Variants in ERC2 observed in about 807,000 individuals in gnomAD.
The protein encoded by ERC2 is ELKS/RAB6-interacting/CAST family member 2, also known as ERC protein 2.
ERC2 carries 42 observed loss-of-function variants against 114.8 expected under a neutral mutation model. That is an observed-to-expected ratio of 0.37 (90% CI 0.29 to 0.47). ERC2 has a LOEUF of 0.47. Among genes scored for constraint, ERC2 ranks in the 20% least tolerant of loss-of-function variants. The pLI, the probability that ERC2 is intolerant of heterozygous loss-of-function variation, is 0.99. For missense variants in ERC2, 939 were observed against 1,150.7 expected (o/e 0.82, Z 2.66); for synonymous variants, 454 against 425.5 (o/e 1.07, Z -0.82).
chr3:55,606,304 A>G (rs2058639048), intron 17 of ERC2, among the ~76,000 whole-genome samples: 1 of 152,218 alleles, frequency 6.6e-6, no homozygotes, highest in Admixed American at 6.5e-5. Context: ...AATCTCATCT[A>G]TTCATTCAGT....
intron 3 of ERC2, among the ~76,000 whole-genome samples, chr3:56,279,882 G>A (rs1374206585): frequency 6.6e-6 from 1 of 152,210 alleles, no homozygotes; most frequent in Non-Finnish European, 1.5e-5. Context: ...TGGATACAGA[G>A]GGTATGGTAA....
chr3:56,130,079 T>C (rs929478128), intron 6 of ERC2, among the ~76,000 whole-genome samples: 1 of 152,194 alleles, frequency 6.6e-6, no homozygotes, highest in African/African-American at 2.4e-5. Flanking sequence ...CAATATGAAA[T>C]TGAAAGCAGA....
chr3:56,223,120 C>A (rs963056974), intron 3 of ERC2, among the ~76,000 whole-genome samples: 1 of 152,214 alleles, frequency 6.6e-6, no homozygotes, highest in African/African-American at 2.4e-5. Context: ...GGCAGCTGAC[C>A]ATGTCTGTAG....
In ERC2 at chr3:55,952,793, A is replaced by G. The variant is rs559647539; in HGVS notation, c.2268-2233T>C. 9.8e-5 allele frequency among the ~76,000 whole-genome samples: 15 copies of G among 152,326 alleles called. No homozygotes were observed. In the South Asian group the frequency reaches 2.7e-3, roughly 27 times the overall value. On this transcript the variant is annotated intron_variant, in intron 12 of 17. Transcript: ENST00000288221. ...AGAGCTCCCACAAAGTTCTTGGAGC[A>G]GTCTGAACACAGTGACCTTACTTTC...
At chr3:55,605,140 C>T (rs1251194121) in intron 17 of ERC2, among the ~76,000 whole-genome samples, 17 of 151,606 alleles carry the variant, frequency 1.1e-4, no homozygotes, top group Non-Finnish European at 1.3e-4. Flanking sequence ...GTTTTTGAGA[C>T]GGTCTCACTC....
At chr3:56,223,518 CAA>C (rs60141863) in intron 3 of ERC2, among the ~76,000 whole-genome samples, 10,828 of 122,826 alleles carry the variant, frequency 0.088, 484 homozygotes, top group African/African-American at 0.14. Context: ...AGAAAAATGG[CAA>C]AAAAAAAAAA....
At chr3:56,391,269 C>T (rs911471649) in intron 2 of ERC2, among the ~76,000 whole-genome samples, 1 of 152,198 alleles carries the variant, frequency 6.6e-6, no homozygotes, top group Non-Finnish European at 1.5e-5. Flanking sequence ...GGAATGAGAT[C>T]ACTGTGTCAC....
chr3:55,716,979 A>T (rs901812768), intron 15 of ERC2, among the ~76,000 whole-genome samples: 3 of 152,124 alleles, frequency 2.0e-5, no homozygotes, highest in African/African-American at 7.2e-5. Flanking sequence ...TGATCTGTCA[A>T]CCAGATCTAT....
chr3:56,212,748 A>G (rs4974183), intron 3 of ERC2, among the ~76,000 whole-genome samples: 13,250 of 151,504 alleles, frequency 0.087, 790 homozygotes, highest in Admixed American at 0.15. Flanking sequence ...TGATATATAT[A>G]TGTGTGTGTG....
intron 2 of ERC2, among the ~76,000 whole-genome samples, chr3:56,401,757 T>C (rs2060527793): frequency 6.6e-6 from 1 of 152,168 alleles, no homozygotes; most frequent in African/African-American, 2.4e-5. Context: ...GGCAACCTAG[T>C]GGTGTTAGAC....
At chr3:56,173,721 C>T (rs1172655403) in intron 3 of ERC2, 3 of 535,680 alleles carry the variant, frequency 5.6e-6, no homozygotes, top group Admixed American at 3.7e-5. Context: ...CTGGCACATG[C>T]GCTATTTCTG....
At chr3:56,192,724 T>C (rs1304308682) in intron 3 of ERC2, among the ~76,000 whole-genome samples, 1 of 152,074 alleles carries the variant, frequency 6.6e-6, no homozygotes, top group Non-Finnish European at 1.5e-5. Flanking sequence ...ACCAGGTGAA[T>C]TGTCTTCAAT....
At chr3:56,266,650 A>G (rs1451815366) in intron 3 of ERC2, among the ~76,000 whole-genome samples, 2 of 152,140 alleles carry the variant, frequency 1.3e-5, no homozygotes, top group Non-Finnish European at 2.9e-5. Context: ...AGTCCCAGCT[A>G]CTCGGGAGGC....
At chr3:56,240,939 T>C (rs979665098) in intron 3 of ERC2, among the ~76,000 whole-genome samples, 3 of 152,224 alleles carry the variant, frequency 2.0e-5, no homozygotes, top group Admixed American at 6.5e-5. Context: ...GTGAACTCTA[T>C]ATCCAATAGG....
intron 12 of ERC2, among the ~76,000 whole-genome samples, chr3:55,969,268 G>C (rs2068976138): frequency 1.3e-5 from 2 of 152,030 alleles, no homozygotes; most frequent in South Asian, 4.2e-4. Flanking sequence ...ATTTGAGAAA[G>C]GTCCCAAGCT....
At chr3:56,062,931 T>C (rs545119866) in intron 7 of ERC2, among the ~76,000 whole-genome samples, 36 of 152,276 alleles carry the variant, frequency 2.4e-4, no homozygotes, top group Admixed American at 3.3e-4. Context: ...CTGCCCCAAC[T>C]CTGGCTTCGG....
chr3:56,289,418 T>C (rs7619653), intron 3 of ERC2, among the ~76,000 whole-genome samples: 51,949 of 152,034 alleles, frequency 0.34, 9,071 homozygotes, highest in African/African-American at 0.37. Context: ...TGTCAACTGA[T>C]CATCTTCTCT....
intron 17 of ERC2, among the ~76,000 whole-genome samples, chr3:55,563,478 T>G (rs941300319): frequency 6.6e-6 from 1 of 152,220 alleles, no homozygotes; most frequent in African/African-American, 2.4e-5. Flanking sequence ...CAACTGGGAC[T>G]TGGCCAGTGT....
chr3:55,516,565 C>T (rs1340156636), intron 17 of ERC2, among the ~76,000 whole-genome samples: 1 of 152,116 alleles, frequency 6.6e-6, no homozygotes, highest in African/African-American at 2.4e-5. Context: ...GGGGCGGGGC[C>T]AGCCCTGTGC....
Sources: allele counts gnomAD v4.1 joint callset (sites outside exome capture counted in the v4.1 genomes callset), GRCh38; gene constraint gnomAD v4.1.1; transcripts MANE v1.5; gene names NCBI Gene and HGNC (gene_info 2026-07-23, HGNC 2026-07-21).